PACSIN2: variants seen among roughly 807,000 people sequenced by gnomAD.
PACSIN2 encodes the protein protein kinase C and casein kinase substrate in neurons 2.
PACSIN2 carries 25 observed loss-of-function variants against 63.8 expected under a neutral mutation model. The ratio of observed to expected loss-of-function variants is 0.39; its 90% confidence interval spans 0.29 to 0.55. PACSIN2 has a LOEUF of 0.55. PACSIN2 is among the 20% of genes least tolerant of loss of function. PACSIN2 has a pLI of 0.62. For missense variants in PACSIN2, 518 were observed against 646.9 expected (o/e 0.80, Z 2.16); for synonymous variants, 255 against 256.2 (o/e 1.00, Z 0.05).
In PACSIN2 at chr22:42,904,199, C is replaced by G. The variant is rs183267372; in HGVS notation, c.60+7822G>C. Among the ~76,000 whole-genome samples, 39 of 152,344 alleles carry G rather than the reference C, an allele frequency of 2.6e-4. No homozygotes were observed. In the East Asian group the frequency reaches 5.6e-3, roughly 22 times the overall value. ...CTTCCTCAAGGCCGTCGGCCAGGCT[C>G]CCCATGCTCTGCTCCCTTGGTGCGT... On this transcript the variant is annotated intron_variant, in intron 2 of 10. Coordinates refer to ENST00000263246, the MANE Select transcript of PACSIN2 (RefSeq NM_001184970.3).
chr22:42,921,412 A>C (rs1464467095), intron 1 of PACSIN2, among the ~76,000 whole-genome samples: 2 of 151,544 alleles, frequency 1.3e-5, no homozygotes, highest in Admixed American at 6.6e-5. Flanking sequence ...CAAGCCATCA[A>C]GTACAGATGA....
chr22:42,871,302 G>C lies in PACSIN2; in HGVS notation c.*55C>G, dbSNP rs1191164971. On this transcript the variant is annotated 3_prime_UTR_variant, in exon 11 of 11. Coordinates refer to ENST00000263246, the MANE Select transcript of PACSIN2 (RefSeq NM_001184970.3). This position sits in a 1 kb window ranked among gnomAD's most constrained non-coding sequence, Gnocchi z 5.4. Reference sequence around the variant, plus strand: ...AAAGGAGTGGATGCCCACGTGGCTGGCTGAGGCTCCTGGGCCCGCCGCCTC... The same window carrying C: ...AAAGGAGTGGATGCCCACGTGGCTGCCTGAGGCTCCTGGGCCCGCCGCCTC... 9.0e-7 allele frequency: 1 copy of C among 1,111,800 alleles called. No homozygotes were observed. Among genetic ancestry groups the C allele is most frequent in the East Asian group, 2.4e-5 (1 of 42,524 alleles). The allele number at this position is 1,111,800 out of a possible 1,614,324, so 68.9% of individuals were successfully genotyped here.
intron 1 of PACSIN2, among the ~76,000 whole-genome samples, chr22:42,986,033 CGCTTGACTTTCCAAACA>C (rs1237715062): frequency 2.0e-5 from 3 of 152,206 alleles, no homozygotes; most frequent in Non-Finnish European, 4.4e-5. Flanking sequence ...AGGAGGCTCA[CGCTTGACTTTCCAAACA>C]ACGATCCCCT....
At chr22:42,873,412 TG>T (rs1429467103) in intron 10 of PACSIN2, among the ~76,000 whole-genome samples, 1 of 151,932 alleles carries the variant, frequency 6.6e-6, no homozygotes, top group Non-Finnish European at 1.5e-5. Context: ...CTTCTCAAAC[TG>T]GGCAGAGGCA....
In PACSIN2 at chr22:42,871,559, G is replaced by C; in HGVS notation, c.1349-90C>G. 1 of 1,004,890 alleles carries C rather than the reference G, an allele frequency of 1.0e-6. No individual in the cohort carries two copies. The highest frequency in any genetic ancestry group is 1.6e-6 in the Non-Finnish European group (1 of 630,128). The allele number at this position is 1,004,890 out of a possible 1,614,324, so 62.2% of individuals were successfully genotyped here. On this transcript the variant is annotated intron_variant, in intron 10 of 10. Transcript: ENST00000263246. This position sits in a 1 kb window ranked among gnomAD's most constrained non-coding sequence, Gnocchi z 5.4. ...CATTCACGAGCTTTGAGCCCACAGA[G>C]GGTGGAGGGCCAGGCATTCTGTGGC...
Position 42,871,240 on chromosome 22 carries a change from G to T in PACSIN2, c.*117C>A. On this transcript the variant is annotated 3_prime_UTR_variant, in exon 11 of 11. Coordinates refer to ENST00000263246, the MANE Select transcript of PACSIN2 (RefSeq NM_001184970.3). The surrounding 1 kb of genome is among the most constrained non-coding windows in gnomAD (Gnocchi z 5.4). ...CTCATCTGCCTTCCAGGAACACCATGAAGCCAAGAGCAATGGAACCATCAT... is the reference window on the plus strand; with the variant it reads ...CTCATCTGCCTTCCAGGAACACCATTAAGCCAAGAGCAATGGAACCATCAT... 1 of 696,018 alleles carries T rather than the reference G, an allele frequency of 1.4e-6. No individual in the cohort carries two copies. Among genetic ancestry groups the T allele is most frequent in the South Asian group, 1.6e-5 (1 of 62,326 alleles). The allele number at this position is 696,018 out of a possible 1,614,324, so 43.1% of individuals were successfully genotyped here.
intron 1 of PACSIN2, among the ~76,000 whole-genome samples, chr22:43,010,399 T>TATATATATATA (rs1388431678): frequency 6.2e-5 from 2 of 32,492 alleles, no homozygotes; most frequent in South Asian, 2.1e-3. Flanking sequence ...TATATATATA[T>TATATATATATA]TTTTTTTTAA....
chr22:42,945,699 C>G (rs905009427), intron 1 of PACSIN2: 1 of 152,436 alleles, frequency 6.6e-6, no homozygotes, highest in Non-Finnish European at 1.5e-5. Flanking sequence ...TGAATCCTCC[C>G]ACTTGGCTCT....
intron 1 of PACSIN2, among the ~76,000 whole-genome samples, chr22:42,951,692 C>T (rs1456844840): frequency 6.6e-6 from 1 of 152,194 alleles, no homozygotes; most frequent in South Asian, 2.1e-4. Flanking sequence ...AGAATGTGGC[C>T]GCTTCACACC....
chr22:42,964,595 G>A (rs1920937825), intron 1 of PACSIN2, among the ~76,000 whole-genome samples: 1 of 152,032 alleles, frequency 6.6e-6, no homozygotes, highest in Non-Finnish European at 1.5e-5. Context: ...GTGGCAGGTG[G>A]CTGGCATAGG....
chr22:42,872,844 C>G (rs1003988908), intron 10 of PACSIN2, among the ~76,000 whole-genome samples: 5 of 152,272 alleles, frequency 3.3e-5, no homozygotes, highest in African/African-American at 4.8e-5. Flanking sequence ...CCAGAGGCAT[C>G]AGGAGCAGAT....
intron 1 of PACSIN2, among the ~76,000 whole-genome samples, chr22:42,921,730 C>T (rs1932206493): frequency 6.8e-6 from 1 of 146,280 alleles, no homozygotes; most frequent in South Asian, 2.2e-4. Context: ...TTGGAAACTT[C>T]ATTTAGAAGC....
intron 2 of PACSIN2, among the ~76,000 whole-genome samples, chr22:42,903,714 C>G (rs1930862077): frequency 6.6e-6 from 1 of 152,192 alleles, no homozygotes; most frequent in South Asian, 2.1e-4. Context: ...TGCTATTTAC[C>G]TTGCAGGGCC....
At chr22:42,888,405 T>C (rs191443530) in intron 5 of PACSIN2, among the ~76,000 whole-genome samples, 2 of 152,322 alleles carry the variant, frequency 1.3e-5, no homozygotes, top group Admixed American at 6.5e-5. Flanking sequence ...GAGCTGTCTC[T>C]TACCCCTGGC....
At chr22:42,994,412 C>A (rs1260642310) in intron 1 of PACSIN2, among the ~76,000 whole-genome samples, 1 of 152,090 alleles carries the variant, frequency 6.6e-6, no homozygotes, top group Non-Finnish European at 1.5e-5. Context: ...GAGCCGTGTC[C>A]TGCGCCACAA....
intron 5 of PACSIN2, among the ~76,000 whole-genome samples, chr22:42,885,665 T>G (rs1929421864): frequency 6.6e-6 from 1 of 152,098 alleles, no homozygotes; most frequent in Admixed American, 6.5e-5. Flanking sequence ...TGCTTCAGGC[T>G]CCAAAGCAAC....
chr22:42,959,539 G>A (rs527481129), intron 1 of PACSIN2: 30 of 152,270 alleles, frequency 2.0e-4, no homozygotes, highest in African/African-American at 6.0e-4. Context: ...TGTTTAAGCC[G>A]AAATCTATTC....
At chr22:42,943,267 A>G (rs900970258) in intron 1 of PACSIN2, among the ~76,000 whole-genome samples, 5 of 152,198 alleles carry the variant, frequency 3.3e-5, no homozygotes, top group African/African-American at 1.2e-4. Flanking sequence ...GAACCTGTAT[A>G]TTAATTCTAA....
intron 1 of PACSIN2, among the ~76,000 whole-genome samples, chr22:42,948,414 A>G (rs991826524): frequency 6.6e-6 from 1 of 152,264 alleles, no homozygotes; most frequent in African/African-American, 2.4e-5. Context: ...AGCGCTATCT[A>G]GAAGTGAACT....
Sources: allele counts gnomAD v4.1 joint callset (sites outside exome capture counted in the v4.1 genomes callset), GRCh38; gene constraint gnomAD v4.1.1; non-coding constraint Gnocchi (gnomAD v3.1); transcripts MANE v1.5; gene names NCBI Gene and HGNC (gene_info 2026-07-23, HGNC 2026-07-21).